The following TRAPPC12 variants were observed in gnomAD, a reference collection of about 807,000 sequenced individuals.
The protein encoded by TRAPPC12 is trafficking protein particle complex subunit 12.
A neutral mutation model predicts 69.2 loss-of-function variants in TRAPPC12; 61 were observed. The ratio of observed to expected loss-of-function variants is 0.88; its 90% CI spans 0.72 to 1.09. TRAPPC12 has a LOEUF of 1.09. TRAPPC12 is among the 50% of genes least tolerant of loss of function. The pLI is 0.00. For synonymous variants in TRAPPC12, 469 were observed against 438.9 expected, an observed-to-expected ratio of 1.07 and a Z score of -0.86; for missense variants, 1,101 against 1,016.4, an observed-to-expected ratio of 1.08 and a Z score of -1.13.
intron 6 of TRAPPC12, among the ~76,000 whole-genome samples, chr2:3,444,588 G>A (rs1039884190): frequency 8.5e-5 from 13 of 152,196 alleles, no homozygotes; most frequent in Non-Finnish European, 1.6e-4. Context: ...TAAGGTATGC[G>A]GAAGTACTTT....
intron 2 of TRAPPC12, among the ~76,000 whole-genome samples, chr2:3,395,570 T>TC (rs1661084107): frequency 6.7e-6 from 1 of 149,018 alleles, no homozygotes; most frequent in Admixed American, 6.7e-5. Context: ...CTTTTTTTTT[T>TC]TTTTTTTTTT....
At chr2:3,462,466 C>G (rs73133013) in intron 8 of TRAPPC12, among the ~76,000 whole-genome samples, 11,811 of 152,094 alleles carry the variant, frequency 0.078, 1,061 homozygotes, top group East Asian at 0.32. Flanking sequence ...AGTGTGTGAT[C>G]TTAATAATAT....
chr2:3,387,993 G>A lies in TRAPPC12; in HGVS notation c.370G>A (p.Ala124Thr), dbSNP rs897672488. 1 of 1,470,654 alleles carries A rather than the reference G, an allele frequency of 6.8e-7. No homozygotes were observed. The highest frequency in any genetic ancestry group is 8.9e-7 in the Non-Finnish European group (1 of 1,117,760). The allele number at this position is 1,470,654 out of a possible 1,614,324, so 91.1% of individuals were successfully genotyped here. The change falls in exon 2 of 12, where the codon GCA becomes ACA. Residue 124 changes from alanine (A) to threonine (T), a missense_variant. Transcript: ENST00000324266. ...CGGCGACTGTGCCCCCGAGGACGCG[G>A]CACCCAGTAGCGGAGGGGCCCCGAG... ...ADGDCAPEDA[A>T]PSSGGAPRQD...
intron 3 of TRAPPC12, among the ~76,000 whole-genome samples, chr2:3,415,738 G>A (rs868560000): frequency 3.2e-4 from 43 of 134,418 alleles, no homozygotes; most frequent in African/African-American, 1.2e-3. Flanking sequence ...TTTTTTTGAG[G>A]CAGAGTCTCG....
intron 6 of TRAPPC12, among the ~76,000 whole-genome samples, chr2:3,444,351 A>G (rs1412240408): frequency 2.0e-5 from 3 of 152,274 alleles, no homozygotes; most frequent in Non-Finnish European, 4.4e-5. Flanking sequence ...CATGATCCTG[A>G]CTGCAAAGGC....
chr2:3,419,939 G>T (rs1662682096), intron 3 of TRAPPC12, among the ~76,000 whole-genome samples: 1 of 152,254 alleles, frequency 6.6e-6, no homozygotes, highest in Admixed American at 6.5e-5. Flanking sequence ...CACTTAGGAA[G>T]ACAGCTTGGC....
chr2:3,441,206 A>G (rs1239501005), intron 5 of TRAPPC12, among the ~76,000 whole-genome samples: 1 of 152,140 alleles, frequency 6.6e-6, no homozygotes, highest in African/African-American at 2.4e-5. Flanking sequence ...AGACTCATAT[A>G]AGAAGTTAGA....
chr2:3,478,755 C>T, intron 10 of TRAPPC12, 91 bp from the exon 11 acceptor site: 2 of 1,135,064 alleles, frequency 1.8e-6, no homozygotes, highest in Non-Finnish European at 2.6e-6. Context: ...TACGCTGGGT[C>T]TCTGTGGGAT....
At chr2:3,399,928 C>G (rs927794651) in intron 2 of TRAPPC12, among the ~76,000 whole-genome samples, 5 of 152,044 alleles carry the variant, frequency 3.3e-5, no homozygotes, top group African/African-American at 1.2e-4. Context: ...TCAGTCACTG[C>G]GTGCTCCCAG....
intron 8 of TRAPPC12, among the ~76,000 whole-genome samples, chr2:3,461,758 C>T (rs1213105435): frequency 6.6e-6 from 1 of 151,132 alleles, no homozygotes; most frequent in Non-Finnish European, 1.5e-5. Context: ...CCAGCCCCCT[C>T]TGGCTTCTGC....
intron 2 of TRAPPC12, among the ~76,000 whole-genome samples, chr2:3,391,191 C>T (rs1660803337): frequency 2.0e-5 from 3 of 152,250 alleles, no homozygotes; most frequent in African/African-American, 7.2e-5. Flanking sequence ...ACGGGGCGCC[C>T]CACCTCCCAG....
At chr2:3,450,152 C>T (rs766913902) in intron 6 of TRAPPC12, among the ~76,000 whole-genome samples, 1 of 152,156 alleles carries the variant, frequency 6.6e-6, no homozygotes, top group African/African-American at 2.4e-5. Flanking sequence ...GCCACCCAGC[C>T]GTGGCAACCC....
At chr2:3,388,999 CT>C (rs1480890962) in intron 2 of TRAPPC12, 2 of 253,014 alleles carry the variant, frequency 7.9e-6, no homozygotes, top group Non-Finnish European at 1.5e-5. Flanking sequence ...CCATTTCTTT[CT>C]TTAAAATATG....
At position 3,387,783 on chromosome 2, in the gene TRAPPC12, G is replaced by T. The variant is rs1478342536; in HGVS notation, c.160G>T (p.Gly54Cys). The T allele has an allele frequency of 6.2e-7, 1 of 1,613,326 alleles. No individual in the cohort carries two copies. The highest frequency in any genetic ancestry group is 2.2e-5 in the East Asian group (1 of 44,824). ...CGAAGAGAACGAGACCGCATCGGAAGGCTCGAGTCCTCTCGCGGACAAGCT... is the reference window on the plus strand; with the variant it reads ...CGAAGAGAACGAGACCGCATCGGAATGCTCGAGTCCTCTCGCGGACAAGCT... Reference protein sequence around the residue: ...GSEENETASEGSSPLADKLNE... With the variant: ...GSEENETASECSSPLADKLNE... The change falls in exon 2 of 12, where the codon GGC (glycine) becomes TGC (cysteine). Residue 54 changes from glycine to cysteine, a missense_variant. Transcript: ENST00000324266.
chr2:3,467,405 G>T (rs1234173590), intron 9 of TRAPPC12: 1 of 152,238 alleles, frequency 6.6e-6, no homozygotes, highest in East Asian at 1.9e-4. Context: ...GAAGAGCAAG[G>T]TCTCTGAATT....
chr2:3,477,935 C>CCTT (rs1203305872), intron 10 of TRAPPC12, 140 bp downstream of exon 10: 1 of 546,054 alleles, frequency 1.8e-6, no homozygotes, highest in Admixed American at 3.4e-5. Context: ...GAGCGGAGAC[C>CCTT]CAAGGAGTAT....
chr2:3,421,120 T>C (rs1317999282), intron 3 of TRAPPC12, among the ~76,000 whole-genome samples: 1 of 152,224 alleles, frequency 6.6e-6, no homozygotes, highest in East Asian at 1.9e-4. Flanking sequence ...GCCCGTTACA[T>C]TGAGAAAAGA....
intron 9 of TRAPPC12, among the ~76,000 whole-genome samples, chr2:3,469,076 A>G (rs1665950499): frequency 1.3e-5 from 2 of 152,220 alleles, no homozygotes; most frequent in Admixed American, 6.5e-5. Flanking sequence ...GTAGCGCTCA[A>G]TGCCTACTTT....
rs749851940 is a variant in TRAPPC12 at position 3,388,377 on chromosome 2, G to C, written c.754G>C (p.Ala252Pro). ...SPAPASPPPL[A>P]VPGTEGRPEP... ...GGCCCCCGCCAGCCCGCCTCCCCTC[G>C]CTGTGCCCGGGACCGAGGGGCGCCC... The change falls in exon 2 of 12, where the codon GCT (alanine) becomes CCT (proline). Residue 252 changes from alanine (A) to proline (P), a missense_variant. Physicochemically the swap from Ala to Pro is conservative, Grantham distance 27. Coordinates refer to ENST00000324266, the MANE Select transcript of TRAPPC12 (RefSeq NM_016030.6). 6.2e-7 allele frequency: 1 copy of C among 1,600,260 alleles called. No individual in the cohort carries two copies. Among genetic ancestry groups the C allele is most frequent in the East Asian group, 2.3e-5 (1 of 44,016 alleles).
Sources: gnomAD v4.1 joint callset for allele counts (sites outside exome capture counted in the v4.1 genomes callset) on GRCh38, gnomAD v4.1.1 for gene constraint, MANE v1.5 for transcripts, NCBI Gene and HGNC (gene_info 2026-07-23, HGNC 2026-07-21) for gene names.